The following WDPCP variants were observed in gnomAD, a reference collection of about 807,000 sequenced individuals.
The protein encoded by WDPCP is WD repeat containing planar cell polarity effector.
Under a neutral mutation model 93.1 loss-of-function variants are expected in WDPCP, and 71 were observed. The ratio of observed to expected loss-of-function variants is 0.76; its 90% CI spans 0.63 to 0.93. The LOEUF (loss-of-function observed/expected upper bound fraction) is 0.93, where lower values mean the gene tolerates loss of function less well. WDPCP is among the 40% of genes least tolerant of loss of function. The probability of loss-of-function intolerance (pLI) is 0.00; values close to 1 mark genes in which losing one functional copy is unlikely to be tolerated. For synonymous variants in WDPCP, 315 were observed against 315.0 expected (o/e 1.00, Z 0.00); for missense variants, 844 against 887.4 (o/e 0.95, Z 0.62).
intron 9 of WDPCP, among the ~76,000 whole-genome samples, chr2:63,423,323 T>C (rs1696013110): frequency 1.3e-5 from 2 of 152,210 alleles, no homozygotes. Flanking sequence ...TTCTTAAGTA[T>C]TTTGCCTTTA....
At chr2:63,315,220 A>G (rs1686543010) in intron 12 of WDPCP, among the ~76,000 whole-genome samples, 1 of 152,180 alleles carries the variant, frequency 6.6e-6, no homozygotes, top group Admixed American at 6.5e-5. Context: ...AGGGGGAAAA[A>G]CAGGGCAGAA....
At chr2:63,734,945 T>G (rs1039993433) in intron 2 of WDPCP, among the ~76,000 whole-genome samples, 1 of 152,140 alleles carries the variant, frequency 6.6e-6, no homozygotes, top group African/African-American at 2.4e-5. Context: ...AATTTCCCAC[T>G]TAAAAAATAT....
At chr2:63,516,334 A>G (rs1430960640) in intron 1 of WDPCP, among the ~76,000 whole-genome samples, 1 of 152,162 alleles carries the variant, frequency 6.6e-6, no homozygotes, top group Non-Finnish European at 1.5e-5. Context: ...ATTCTCTACT[A>G]GCTATTTTGA....
chr2:63,607,054 C>T (rs1709547276), intron 3 of WDPCP: 4 of 1,425,816 alleles, frequency 2.8e-6, no homozygotes, highest in Non-Finnish European at 9.5e-7. Context: ...ACTCAAGTAC[C>T]AAATAATAAT....
At chr2:63,593,329 G>A (rs1709238438), upstream of WDPCP, 1 of 284,046 alleles carries the variant, frequency 3.5e-6, no homozygotes, top group African/African-American at 2.2e-5. Context: ...CCCAACCTCA[G>A]GTGATCCGCC....
chr2:63,829,147 T>C (rs1671157993), upstream of WDPCP, among the ~76,000 whole-genome samples: 1 of 152,150 alleles, frequency 6.6e-6, no homozygotes, highest in Non-Finnish European at 1.5e-5. Flanking sequence ...TACAGTACTT[T>C]ATTGACCAAA....
At chr2:63,561,128 C>T (rs1706579979) in intron 1 of WDPCP, among the ~76,000 whole-genome samples, 1 of 152,142 alleles carries the variant, frequency 6.6e-6, no homozygotes. Flanking sequence ...AGAAGAAAAT[C>T]TAGGCAAAAC....
At chr2:63,383,645 G>A (rs1341404071) in intron 10 of WDPCP, among the ~76,000 whole-genome samples, 1 of 152,104 alleles carries the variant, frequency 6.6e-6, no homozygotes, top group Non-Finnish European at 1.5e-5. Context: ...TCTGGGAGGT[G>A]GAGGTTGCGT....
At chr2:63,407,822 A>G (rs1694707474) in intron 9 of WDPCP, among the ~76,000 whole-genome samples, 2 of 152,340 alleles carry the variant, frequency 1.3e-5, no homozygotes, top group South Asian at 2.1e-4. Context: ...TTGAAATATC[A>G]TACTTCCAGA....
At chr2:63,644,416 G>A (rs778534963) in intron 3 of WDPCP, among the ~76,000 whole-genome samples, 10 of 151,778 alleles carry the variant, frequency 6.6e-5, no homozygotes, top group African/African-American at 9.7e-5. Context: ...GCTAATTTTT[G>A]TATTCTTAGT....
intron 14 of WDPCP, among the ~76,000 whole-genome samples, chr2:63,232,202 A>C (rs1678966269): frequency 6.6e-6 from 1 of 152,202 alleles, no homozygotes; most frequent in South Asian, 2.1e-4. Flanking sequence ...AAAGACTTAA[A>C]TGTTAGACCT....
intron 3 of WDPCP, chr2:63,599,856 G>C (rs950159520): frequency 1.3e-5 from 2 of 152,158 alleles, no homozygotes; most frequent in African/African-American, 4.8e-5. Context: ...TAGAGCCATA[G>C]ATAAGTATGC....
chr2:63,740,914 A>G (rs932522221), intron 2 of WDPCP, among the ~76,000 whole-genome samples: 2 of 152,128 alleles, frequency 1.3e-5, no homozygotes, highest in Non-Finnish European at 2.9e-5. Flanking sequence ...AGGAATATAT[A>G]ATTGCTTTAC....
intron 14 of WDPCP, among the ~76,000 whole-genome samples, chr2:63,250,267 A>C (rs1680607843): frequency 6.6e-6 from 1 of 152,208 alleles, no homozygotes; most frequent in Admixed American, 6.5e-5. Flanking sequence ...GTGTGGGTAC[A>C]CTGGACAAAG....
Position 63,138,333 on chromosome 2 carries a change from T to C in WDPCP, c.2190+14581A>G, listed in dbSNP as rs144020670. 2.0e-3 allele frequency among the ~76,000 whole-genome samples: 303 copies of C among 152,258 alleles called. 7 individuals are homozygous for C. In the East Asian group the frequency reaches 0.045, roughly 23 times the overall value. On this transcript the variant is annotated intron_variant, in intron 17 of 17. Coordinates refer to ENST00000272321, the MANE Select transcript of WDPCP (RefSeq NM_015910.7). The stretch of plus-strand genomic sequence containing the variant: ...TAATGTGTGCATGCTCAGCAGTGTA[T>C]ACCAGTGCCCATTTCCTTGCAACCT...
intron 15 of WDPCP, among the ~76,000 whole-genome samples, chr2:63,160,001 A>T (rs958042450): frequency 6.6e-6 from 1 of 152,186 alleles, no homozygotes; most frequent in Non-Finnish European, 1.5e-5. Context: ...GTTGCACTTG[A>T]CTAGGCCCAA....
intron 1 of WDPCP, among the ~76,000 whole-genome samples, chr2:63,530,526 C>T (rs139347466): frequency 6.6e-6 from 1 of 152,238 alleles, no homozygotes; most frequent in Non-Finnish European, 1.5e-5. Context: ...ACTGTATGTA[C>T]ATGTGTTATC....
Position 63,588,341 on chromosome 2 carries a change from G to C in WDPCP, c.-70C>G. 1.3e-6 allele frequency: 2 copies of C among 1,525,960 alleles called. No homozygotes were observed. Among genetic ancestry groups the C allele is most frequent in the East Asian group, 2.5e-5 (1 of 40,816 alleles). 94.5% of individuals were successfully genotyped at this position (1,525,960 alleles called of 1,614,324 possible). A position where few individuals can be genotyped will look rare whatever the true frequency, so the allele number is the denominator to read the frequency against. On this transcript the variant is annotated 5_prime_UTR_variant, in exon 1 of 18. Transcript: ENST00000272321. ...GGACCCGAGAGGGAGCGACACGCTC[G>C]CTTGGTCTCTTGGGTCTCCAGGACG... is the stretch of plus-strand genomic sequence containing the variant.
chr2:63,743,846 T>A (rs1015881671), intron 2 of WDPCP, among the ~76,000 whole-genome samples: 3 of 152,154 alleles, frequency 2.0e-5, no homozygotes, highest in Non-Finnish European at 2.9e-5. Flanking sequence ...TATTCATTGC[T>A]TATCACTCTT....
Sources: gnomAD v4.1 joint callset for allele counts (sites outside exome capture counted in the v4.1 genomes callset) on GRCh38, gnomAD v4.1.1 for gene constraint, MANE v1.5 for transcripts, NCBI Gene and HGNC (gene_info 2026-07-23, HGNC 2026-07-21) for gene names.